The following GTF3C3 variants were observed in gnomAD, a reference collection of about 807,000 sequenced individuals.
The protein encoded by GTF3C3 is general transcription factor 3C polypeptide 3.
In GTF3C3, 75 loss-of-function variants were observed where a neutral mutation model predicts 105.2. That is an observed-to-expected ratio of 0.71 (90% confidence interval 0.59 to 0.86). The LOEUF (loss-of-function observed/expected upper bound fraction) is 0.86. Ranked by LOEUF, GTF3C3 falls within the 40% of genes least tolerant of loss-of-function variation. GTF3C3 has a pLI of 0.00. For missense variants in GTF3C3, 856 were observed against 1,076.5 expected (o/e 0.80, Z 2.87); for synonymous variants, 335 against 370.4 (o/e 0.90, Z 1.10).
intron 17 of GTF3C3, among the ~76,000 whole-genome samples, chr2:196,765,248 A>G (rs79475954): frequency 0.015 from 2,239 of 152,268 alleles, 47 homozygotes; most frequent in African/African-American, 0.051. Context: ...TAACAATGCA[A>G]TGAATTCAAT....
intron 10 of GTF3C3, chr2:196,777,956 A>G (rs1249719101): frequency 6.6e-6 from 1 of 152,200 alleles, no homozygotes. Context: ...CTCACAAATA[A>G]TGCAGCTTTT....
intron 2 of GTF3C3, among the ~76,000 whole-genome samples, chr2:196,795,969 A>G (rs545855509): frequency 6.6e-6 from 1 of 152,374 alleles, no homozygotes; most frequent in South Asian, 2.1e-4. Flanking sequence ...ATAGTTTAAT[A>G]TATCAGCAAA....
At chr2:196,796,084 C>T (rs138212515) in intron 2 of GTF3C3, among the ~76,000 whole-genome samples, 214 of 152,280 alleles carry the variant, frequency 1.4e-3, no homozygotes, top group African/African-American at 4.9e-3. Flanking sequence ...AGGAAAAGGA[C>T]AACTAGTGAC....
At position 196,766,723 on chromosome 2, in the gene GTF3C3, C is replaced by T; in HGVS notation, c.2386-6G>A. ...CGATTAAGAAAGGAAAAGCCCTAAC[C>T]AAAAAGAAAAAGATAATTCAATATT... On this transcript the variant is annotated splice_region_variant and splice_polypyrimidine_tract_variant and intron_variant, in intron 16 of 17. Transcript: ENST00000263956. 6.2e-7 allele frequency: 1 copy of T among 1,600,532 alleles called. No individual in the cohort carries two copies. The highest frequency in any genetic ancestry group is 8.5e-7 in the Non-Finnish European group (1 of 1,173,876).
At chr2:196,799,273 A>G in intron 1 of GTF3C3, 1 of 477,294 alleles carries the variant, frequency 2.1e-6, no homozygotes, top group Non-Finnish European at 3.8e-6. Context: ...AAAACGTAGT[A>G]TTGGGGGAAA....
At chr2:196,782,469 ATAGT>A (rs928476240) in intron 8 of GTF3C3, among the ~76,000 whole-genome samples, 1 of 152,386 alleles carries the variant, frequency 6.6e-6, no homozygotes, top group Non-Finnish European at 1.5e-5. Context: ...CCTTAAAAAT[ATAGT>A]GTGTATAGAT....
At chr2:196,766,248 T>C (rs1227357998) in intron 17 of GTF3C3, among the ~76,000 whole-genome samples, 1 of 152,152 alleles carries the variant, frequency 6.6e-6, no homozygotes, top group Non-Finnish European at 1.5e-5. Flanking sequence ...ACATGTGAAT[T>C]ACACTTGGAA....
At chr2:196,766,493 C>A in intron 17 of GTF3C3, 72 bp downstream of exon 17, 1 of 1,133,986 alleles carries the variant, frequency 8.8e-7, no homozygotes, top group African/African-American at 1.6e-5. Context: ...AATTTACTGG[C>A]TGGACTTAGC....
intron 2 of GTF3C3, among the ~76,000 whole-genome samples, chr2:196,794,946 C>G (rs1228389788): frequency 6.6e-6 from 1 of 152,078 alleles, no homozygotes; most frequent in Non-Finnish European, 1.5e-5. Context: ...CCAGGTTGGT[C>G]TCGAACTCCT....
chr2:196,793,639 TTAA>T (rs1419453459), intron 2 of GTF3C3, among the ~76,000 whole-genome samples: 2 of 152,162 alleles, frequency 1.3e-5, no homozygotes, highest in Non-Finnish European at 2.9e-5. Context: ...GCAAAAAGGG[TTAA>T]TAATAATTTA....
At chr2:196,793,251 C>G in intron 2 of GTF3C3, 99 bp from the exon 3 acceptor site, 1 of 817,824 alleles carries the variant, frequency 1.2e-6, no homozygotes, top group Admixed American at 2.6e-5. Context: ...CCCAGTAACA[C>G]CAAATTTGAA....
chr2:196,771,753 G>C lies in GTF3C3; in HGVS notation c.2255C>G (p.Ala752Gly), dbSNP rs748640443. Reference sequence around the variant, plus strand: ...TCACGTGCCAGGACACTTACCAAGCGCATGCTTAAAACTACCAGATACAAA... The same window carrying C: ...TCACGTGCCAGGACACTTACCAAGCCCATGCTTAAAACTACCAGATACAAA... ...NAFVSGSFKH[A>G]LGQYVQAFRT... is the part of the protein sequence containing the mutation. The change falls in exon 15 of 18, where the codon GCG becomes GGG. Residue 752 changes from alanine to glycine, a missense_variant. Ala to Gly is a moderately conservative substitution (Grantham distance 60, BLOSUM62 0). This residue lies in a region of GTF3C3 where 605 missense variants were observed against 833.6 expected (regional missense o/e 0.73). Transcript: ENST00000263956. 4 of 1,604,774 alleles carry C rather than the reference G, an allele frequency of 2.5e-6. No individual in the cohort carries two copies. Among genetic ancestry groups the C allele is most frequent in the Non-Finnish European group, 2.6e-6 (3 of 1,171,534 alleles).
Position 196,771,732 on chromosome 2 carries a change from G to A in GTF3C3, c.2260+16C>T, listed in dbSNP as rs780301946. 1.1e-5 allele frequency: 17 copies of A among 1,573,322 alleles called. No individual in the cohort carries two copies. Among genetic ancestry groups the A allele is most frequent in the Admixed American group, 1.7e-5 (1 of 59,944 alleles). ...CACTATTTATGCTTGACAAAGTCAC[G>A]TGCCAGGACACTTACCAAGCGCATG... On this transcript the variant is annotated intron_variant, in intron 15 of 17. Coordinates refer to ENST00000263956, the MANE Select transcript of GTF3C3 (RefSeq NM_012086.5).
intron 13 of GTF3C3, chr2:196,773,641 T>C (rs1404644078): frequency 2.4e-6 from 1 of 422,486 alleles, no homozygotes; most frequent in Admixed American, 2.4e-5. Flanking sequence ...ATTGTTGTAA[T>C]ATATAATGAA....
In GTF3C3 at chr2:196,769,791, AC is replaced by A; in HGVS notation, c.2385+123del. On this transcript the variant is annotated intron_variant, in intron 16 of 17. Coordinates refer to ENST00000263956, the MANE Select transcript of GTF3C3 (RefSeq NM_012086.5). ...CTGAACACTGGGGTAAGTGTTGGGG[AC>A]CCCCGTCATGTGTACTGAGAGCATT... 6 of 709,538 alleles carry A rather than the reference AC, an allele frequency of 8.5e-6. No individual in the cohort carries two copies. The South Asian group carries it at 1.1e-4, about 13-fold the overall frequency. The allele number at this position is 709,538 out of a possible 1,614,324, so 44.0% of individuals were successfully genotyped here. A position where few individuals can be genotyped will look rare whatever the true frequency, so the allele number is the denominator to read the frequency against.
Position 196,799,529 on chromosome 2 carries a change from CTCTCT to C in GTF3C3, c.78_82del (p.Glu27LysfsTer17). ...CCTCACTTTCTTCTCGCGGGTTTTT[CTCTCT>C]TCTCTCCGCCGTTCGAACTCCTCAA... On this transcript the variant is annotated frameshift_variant, in exon 1 of 18. Transcript: ENST00000263956. LOFTEE classifies it high-confidence loss of function. 1 of 1,614,054 alleles carries C rather than the reference CTCTCT, an allele frequency of 6.2e-7. No homozygotes were observed. The highest frequency in any genetic ancestry group is 8.5e-7 in the Non-Finnish European group (1 of 1,179,912).
rs1699519782 is a variant in GTF3C3 at position 196,790,021 on chromosome 2, G to T, written c.585C>A (p.Asp195Glu). Reference protein sequence around the residue: ...PFSTLAMIYEDQGDMEKSLQF... With the variant: ...PFSTLAMIYEEQGDMEKSLQF... Reference sequence around the variant, plus strand: ...GCAATGATTTTTCCATGTCACCTTGGTCCTCATATATCATGGCTAGAGTAG... The same window carrying T: ...GCAATGATTTTTCCATGTCACCTTGTTCCTCATATATCATGGCTAGAGTAG... The change falls in exon 5 of 18, where the codon GAC (aspartate) becomes GAA (glutamate). Residue 195 changes from aspartate (D) to glutamate (E), a missense_variant. By Grantham distance (45) the Asp-to-Glu change is conservative (BLOSUM62 2). Transcript: ENST00000263956. The T allele has an allele frequency of 6.2e-7, 1 of 1,613,118 alleles. No individual in the cohort carries two copies. Among genetic ancestry groups the T allele is most frequent in the African/African-American group, 1.3e-5 (1 of 74,818 alleles).
In GTF3C3 at chr2:196,799,677, A is replaced by G; in HGVS notation, c.-66T>C. 2 of 1,147,650 alleles carry G rather than the reference A, an allele frequency of 1.7e-6. No homozygotes were observed. Among genetic ancestry groups the G allele is most frequent in the East Asian group, 4.7e-5 (2 of 42,238 alleles). 71.1% of individuals were successfully genotyped at this position (1,147,650 alleles called of 1,614,324 possible). A position where few individuals can be genotyped will look rare whatever the true frequency, so the allele number is the denominator to read the frequency against. On this transcript the variant is annotated 5_prime_UTR_variant, in exon 1 of 18. Transcript: ENST00000263956. ...GAGAACCGGAAGAGCAGCGCCTTCCAGAAGCTACCTCGCCGGGGCCAGCAA... is the reference window on the plus strand; with the variant it reads ...GAGAACCGGAAGAGCAGCGCCTTCCGGAAGCTACCTCGCCGGGGCCAGCAA...
At chr2:196,775,534 A>G (rs1310862867) in intron 12 of GTF3C3, among the ~76,000 whole-genome samples, 5 of 152,200 alleles carry the variant, frequency 3.3e-5, no homozygotes, top group Non-Finnish European at 7.3e-5. Context: ...TAAAATTAGA[A>G]TGAACTGACT....
Sources: gnomAD v4.1 joint callset for allele counts (sites outside exome capture counted in the v4.1 genomes callset) on GRCh38, gnomAD v4.1.1 for gene constraint, gnomAD v4.1.1 regional missense constraint, MANE v1.5 for transcripts, NCBI Gene and HGNC (gene_info 2026-07-23, HGNC 2026-07-21) for gene names.